The following PIK3C2A variants were observed in gnomAD, a reference collection of about 807,000 sequenced individuals.
The protein encoded by PIK3C2A is phosphatidylinositol 4-phosphate 3-kinase C2 domain-containing subunit alpha.
Under a neutral mutation model 204.5 loss-of-function variants are expected in PIK3C2A, and 97 were observed. That is an observed-to-expected ratio of 0.47 (90% CI 0.40 to 0.56). The LOEUF (loss-of-function observed/expected upper bound fraction) is 0.56. PIK3C2A is among the 20% of genes least tolerant of loss of function. The pLI is 0.00. For missense variants in PIK3C2A, 1,735 were observed against 1,969.2 expected, an observed-to-expected ratio of 0.88 and a Z score of 2.25; for synonymous variants, 653 against 664.4, an observed-to-expected ratio of 0.98 and a Z score of 0.26.
At chr11:17,174,053 T>C (rs966455640) in intron 1 of PIK3C2A, among the ~76,000 whole-genome samples, 1 of 151,648 alleles carries the variant, frequency 6.6e-6, no homozygotes, top group Non-Finnish European at 1.5e-5. Flanking sequence ...CTTGAACTCC[T>C]GACCTCAAGT....
chr11:17,180,151 A>G (rs1368636714), intron 1 of PIK3C2A, among the ~76,000 whole-genome samples: 1 of 152,186 alleles, frequency 6.6e-6, no homozygotes, highest in Non-Finnish European at 1.5e-5. Context: ...AGGCAATGAA[A>G]AGCTAAAATA....
At chr11:17,155,094 A>G (rs2137447203) in intron 3 of PIK3C2A, among the ~76,000 whole-genome samples, 1 of 152,306 alleles carries the variant, frequency 6.6e-6, no homozygotes, top group South Asian at 2.1e-4. Flanking sequence ...ACATTCTATA[A>G]ATGTGTTTTT....
intron 1 of PIK3C2A, among the ~76,000 whole-genome samples, chr11:17,173,517 G>A (rs980028283): frequency 6.6e-6 from 1 of 152,192 alleles, no homozygotes; most frequent in African/African-American, 2.4e-5. Flanking sequence ...GACAGATTCT[G>A]GCTAATATTA....
chr11:17,091,917 G>A, intron 30 of PIK3C2A, 79 bp downstream of exon 30: 1 of 911,190 alleles, frequency 1.1e-6, no homozygotes, highest in Non-Finnish European at 1.8e-6. Context: ...TAAGCCTGCT[G>A]TCATTCTACC....
intron 21 of PIK3C2A, among the ~76,000 whole-genome samples, chr11:17,111,952 T>C (rs1006837886): frequency 1.5e-5 from 2 of 135,418 alleles, no homozygotes; most frequent in Admixed American, 7.3e-5. Flanking sequence ...TCAAAACAGA[T>C]ATTACTGGTT....
rs868565229 is a variant in PIK3C2A, at chr11:17,104,656, C to T, written c.3681+513G>A. Reference sequence around the variant, plus strand: ...AGGAGAATGGCGTGAACCCAGGAGGCGGAGCTTGCAGTGAGCCGAGATAGC... The same window carrying T: ...AGGAGAATGGCGTGAACCCAGGAGGTGGAGCTTGCAGTGAGCCGAGATAGC... On this transcript the variant is annotated intron_variant, in intron 23 of 32. Coordinates refer to ENST00000691414, the MANE Select transcript of PIK3C2A (RefSeq NM_002645.4). Among the ~76,000 whole-genome samples, 14 of 139,000 alleles carry T rather than the reference C, an allele frequency of 1.0e-4. No individual in the cohort carries two copies. The South Asian group carries it at 2.5e-3, about 25-fold the overall frequency. 91.2% of individuals were successfully genotyped at this position (139,000 alleles called of 152,430 possible). A position where few individuals can be genotyped will look rare whatever the true frequency, so the allele number is the denominator to read the frequency against.
rs762494848 is a variant in PIK3C2A, at chr11:17,105,240, C to T, written c.3610G>A (p.Gly1204Arg). ...GCAAGTGGTTTATCTTTAAAGGATCCTGTCACACCATATTCCACTTGGATT... is the reference window on the plus strand; with the variant it reads ...GCAAGTGGTTTATCTTTAAAGGATCTTGTCACACCATATTCCACTTGGATT... ...RKIQVEYGVT[G>R]SFKDKPLAEW... Residue 1204 changes from glycine to arginine, a missense_variant, in exon 23 of 33, where the codon GGA becomes AGA. Physicochemically the swap from Gly to Arg is moderately radical, Grantham distance 125. Transcript: ENST00000691414. 4.3e-6 allele frequency: 7 copies of T among 1,610,148 alleles called. No homozygotes were observed. The highest frequency in any genetic ancestry group is 5.9e-6 in the Non-Finnish European group (7 of 1,176,892).
chr11:17,135,735 A>C (rs1046412590), intron 9 of PIK3C2A, among the ~76,000 whole-genome samples: 7 of 151,756 alleles, frequency 4.6e-5, no homozygotes, highest in African/African-American at 4.8e-5. Flanking sequence ...TTCTAAAAAG[A>C]AGCACATAAA....
chr11:17,166,949 G>A (rs1035662642), intron 2 of PIK3C2A, among the ~76,000 whole-genome samples: 2 of 152,100 alleles, frequency 1.3e-5, no homozygotes, highest in African/African-American at 4.8e-5. Context: ...GGGAAAATTA[G>A]GGGGACCAGT....
At chr11:17,119,186 A>T in intron 17 of PIK3C2A, 34 bp downstream of exon 17, 2 of 1,144,928 alleles carry the variant, frequency 1.7e-6, no homozygotes, top group Non-Finnish European at 2.6e-6. Flanking sequence ...CTAGAGTGAA[A>T]GTATAAAGGG....
chr11:17,091,010 T>C (rs1000349733), intron 32 of PIK3C2A, among the ~76,000 whole-genome samples: 1 of 151,422 alleles, frequency 6.6e-6, no homozygotes, highest in Non-Finnish European at 1.5e-5. Context: ...GCCTCCCAAA[T>C]TGCTAGGATT....
At chr11:17,130,837 C>G (rs1221153461) in intron 12 of PIK3C2A, among the ~76,000 whole-genome samples, 1 of 148,738 alleles carries the variant, frequency 6.7e-6, no homozygotes, top group Non-Finnish European at 1.5e-5. Context: ...AAAGAAAAAA[C>G]ACTATTTAAA....
At position 17,117,749 on chromosome 11, in the gene PIK3C2A, C is replaced by A. The variant is rs577006082; in HGVS notation, c.3036-78G>T. 202 of 811,018 alleles carry A rather than the reference C, an allele frequency of 2.5e-4. No homozygotes were observed. In the African/African-American group the frequency reaches 3.8e-3, roughly 15 times the overall value. 50.2% of individuals were successfully genotyped at this position (811,018 alleles called of 1,614,324 possible). ...TTTTTTTTTGAGACGGAGCCTCACTCGTCACCCAGGCTGGAGTGCAGTGGC... is the reference window on the plus strand; with the variant it reads ...TTTTTTTTTGAGACGGAGCCTCACTAGTCACCCAGGCTGGAGTGCAGTGGC... On this transcript the variant is annotated intron_variant, in intron 18 of 32. Transcript: ENST00000691414.
At chr11:17,118,098 G>A (rs555977355) in intron 18 of PIK3C2A, among the ~76,000 whole-genome samples, 1,529 of 145,586 alleles carry the variant, frequency 0.011, 29 homozygotes, top group African/African-American at 0.037. Context: ...TTGAGACCAG[G>A]TCTGGCTCTG....
At chr11:17,203,657 A>G (rs2137590381) in intron 1 of PIK3C2A, among the ~76,000 whole-genome samples, 1 of 152,212 alleles carries the variant, frequency 6.6e-6, no homozygotes, top group South Asian at 2.1e-4. Flanking sequence ...CCAAGACAGA[A>G]TAGCCTCTAG....
intron 13 of PIK3C2A, among the ~76,000 whole-genome samples, chr11:17,128,144 A>C (rs547689647): frequency 6.6e-6 from 1 of 152,226 alleles, no homozygotes; most frequent in South Asian, 2.1e-4. Context: ...TAAGTGCTAC[A>C]TAAGTGTTTG....
intron 1 of PIK3C2A, among the ~76,000 whole-genome samples, chr11:17,179,374 C>T (rs1851455117): frequency 6.6e-6 from 1 of 152,094 alleles, no homozygotes; most frequent in South Asian, 2.1e-4. Context: ...GTTGCCCAGG[C>T]TGGTCTCAAA....
At chr11:17,181,510 T>C (rs1851550996) in intron 1 of PIK3C2A, among the ~76,000 whole-genome samples, 1 of 150,840 alleles carries the variant, frequency 6.6e-6, no homozygotes. Context: ...GGCATGCCCG[T>C]AGTCCCAGCT....
intron 2 of PIK3C2A, among the ~76,000 whole-genome samples, chr11:17,156,825 A>G (rs1850608892): frequency 6.6e-6 from 1 of 152,122 alleles, no homozygotes; most frequent in African/African-American, 2.4e-5. Flanking sequence ...CCTGGGGAAA[A>G]GAGAGTTAAG....
Sources: gnomAD v4.1 joint callset for allele counts (sites outside exome capture counted in the v4.1 genomes callset) on GRCh38, gnomAD v4.1.1 for gene constraint, MANE v1.5 for transcripts, NCBI Gene and HGNC (gene_info 2026-07-23, HGNC 2026-07-21) for gene names.